The following AKAP3 variants were observed in gnomAD, a reference collection of about 807,000 sequenced individuals.
AKAP3 encodes the protein A-kinase anchoring protein 3.
In AKAP3, 27 loss-of-function variants were observed where a neutral mutation model predicts 57.2. The ratio of observed to expected loss-of-function variants is 0.47; its 90% CI spans 0.35 to 0.65. The LOEUF is 0.65. Ranked by LOEUF, AKAP3 falls within the 30% of genes least tolerant of loss-of-function variation. AKAP3 has a pLI of 0.01. For synonymous variants in AKAP3, 334 were observed against 392.3 expected (o/e 0.85, Z 1.76); for missense variants, 959 against 1,040.0 (o/e 0.92, Z 1.07).
chr12:4,615,685 G>C lies in AKAP3; in HGVS notation c.*54C>G. 6.3e-7 allele frequency: 1 copy of C among 1,577,732 alleles called. No homozygotes were observed. Among genetic ancestry groups the C allele is most frequent in the South Asian group, 1.2e-5 (1 of 85,990 alleles). ...AGATGTGGAAGTGAGAAAGAAGGGC[G>C]GGGATAAGGGCCGGCCCCACTGCCA... On this transcript the variant is annotated 3_prime_UTR_variant, in exon 6 of 6. Coordinates refer to ENST00000228850, the MANE Select transcript of AKAP3 (RefSeq NM_001278309.2).
intron 4 of AKAP3, among the ~76,000 whole-genome samples, chr12:4,632,193 T>A (rs901849932): frequency 1.9e-4 from 28 of 148,702 alleles, no homozygotes; most frequent in African/African-American, 5.7e-4. Flanking sequence ...AAAGTATATA[T>A]GCTTTTGCTT....
In AKAP3 at chr12:4,627,844, T is replaced by G. The variant is rs1197895663; in HGVS notation, c.1058A>C (p.Gln353Pro). The G allele has an allele frequency of 6.2e-7, 1 of 1,614,026 alleles. No individual in the cohort carries two copies. The highest frequency in any genetic ancestry group is 8.5e-7 in the Non-Finnish European group (1 of 1,180,010). Residue 353 changes from glutamine to proline, a missense_variant, in exon 5 of 6, where the codon CAG (glutamine) becomes CCG (proline). By Grantham distance (76) the Gln-to-Pro change is moderately conservative. Transcript: ENST00000228850. Reference protein sequence around the residue: ...SVTGTLMTDTQFVSAVKRTVF... With the variant: ...SVTGTLMTDTPFVSAVKRTVF... ...AGTTCTTTTCACAGCCGAGACAAAC[T>G]GTGTGTCAGTCATGAGGGTCCCTGT... is the stretch of plus-strand genomic sequence containing the variant.
intron 4 of AKAP3, among the ~76,000 whole-genome samples, chr12:4,632,636 G>T (rs1016468323): frequency 6.8e-6 from 1 of 146,748 alleles, no homozygotes; most frequent in Admixed American, 6.7e-5. Context: ...TTGTTTGTTT[G>T]TTTTTGTTTT....
At position 4,641,976 on chromosome 12, in the gene AKAP3, C is replaced by G. The variant is rs1457929481; in HGVS notation, c.-78G>C. 2 of 152,168 alleles carry G rather than the reference C, an allele frequency of 1.3e-5. No individual in the cohort carries two copies. Among genetic ancestry groups the G allele is most frequent in the Non-Finnish European group, 2.9e-5 (2 of 68,024 alleles). 9.4% of individuals were successfully genotyped at this position (152,168 alleles called of 1,614,324 possible). On this transcript the variant is annotated 5_prime_UTR_variant, in exon 3 of 6. Transcript: ENST00000228850. ...GTTGTCTTCACTATCCCTCAGTTTA[C>G]CCCCCTCCTGCCATGTAATATAAGG... is the stretch of plus-strand genomic sequence containing the variant.
rs1945421311 is a variant in AKAP3 at position 4,626,877 on chromosome 12, G to A, written c.2025C>T (p.Asn675=). 3 of 1,613,446 alleles carry A rather than the reference G, an allele frequency of 1.9e-6. No homozygotes were observed. In the South Asian group the frequency reaches 3.3e-5, roughly 18 times the overall value. Residue 675 remains asparagine, a synonymous_variant, in exon 5 of 6, where the codon AAC becomes AAT. Coordinates refer to ENST00000228850, the MANE Select transcript of AKAP3 (RefSeq NM_001278309.2). ...TGATGACACACAGCTTCATCACTGA[G>A]TTCATCAGATGTTCTACCATCTGCC... ...MSGQMVEHLM[N]SVMKLCVIIA... is the part of the protein sequence containing the mutation.
At chr12:4,636,059 A>T (rs1044130327) in intron 4 of AKAP3, 23 of 1,484,728 alleles carry the variant, frequency 1.5e-5, no homozygotes, top group Non-Finnish European at 1.9e-5. Context: ...ACTAGGCTTG[A>T]TTTGCCAACA....
rs768271801 is a variant in AKAP3, at chr12:4,627,531, C to A, written c.1371G>T (p.Gly457=). The A allele has an allele frequency of 2.5e-6, 4 of 1,614,118 alleles. No individual in the cohort carries two copies. The highest frequency in any genetic ancestry group is 3.4e-6 in the Non-Finnish European group (4 of 1,179,996). The change falls in exon 5 of 6, where the codon GGG becomes GGT. Residue 457 remains glycine, a synonymous_variant. Transcript: ENST00000228850. ...KTLGEHIIKE[G]LTLWHKTQQK... is the part of the protein sequence containing the mutation. The stretch of plus-strand genomic sequence containing the variant: ...GCTGAGTTTTATGCCACAAGGTAAG[C>A]CCCTCTTTGATAATGTGCTCACCCA...
At chr12:4,633,080 T>C (rs893852876) in intron 4 of AKAP3, among the ~76,000 whole-genome samples, 2 of 151,208 alleles carry the variant, frequency 1.3e-5, no homozygotes, top group African/African-American at 2.4e-5. Context: ...CTTACTATAG[T>C]GCAGCTGTGG....
At position 4,628,353 on chromosome 12, in the gene AKAP3, G is replaced by C. The variant is rs1169205530; in HGVS notation, c.549C>G (p.Val183=). The C allele has an allele frequency of 6.2e-7, 1 of 1,614,066 alleles. No homozygotes were observed. The highest frequency in any genetic ancestry group is 8.5e-7 in the Non-Finnish European group (1 of 1,180,044). ...KIASELVNET[V]SACSRNAAPD... The stretch of plus-strand genomic sequence containing the variant: ...GGGCAGCATTCCTGGAACATGCAGA[G>C]ACGGTCTCATTCACAAGCTCTGATG... The change falls in exon 5 of 6, where the codon GTC becomes GTG. Residue 183 remains valine, a synonymous_variant. Transcript: ENST00000228850.
intron 5 of AKAP3, among the ~76,000 whole-genome samples, chr12:4,617,521 G>A (rs1354386552): frequency 6.6e-6 from 1 of 152,222 alleles, no homozygotes; most frequent in Non-Finnish European, 1.5e-5. Flanking sequence ...GGGAGGCTGA[G>A]GCAGGAAGAT....
chr12:4,633,559 A>C (rs1054261999), intron 4 of AKAP3, among the ~76,000 whole-genome samples: 1 of 151,632 alleles, frequency 6.6e-6, no homozygotes, highest in African/African-American at 2.4e-5. Flanking sequence ...ATCTCTTCAA[A>C]CCCCCTTGCC....
chr12:4,649,004 A>G lies in AKAP3; in HGVS notation c.-504T>C. ...TTTCCCAGCTTTCTTCTTAACCAAC[A>G]ATCTACCCGAAACCGTCGTTTCTTG... is the stretch of plus-strand genomic sequence containing the variant. On this transcript the variant is annotated 5_prime_UTR_variant, in exon 1 of 6. Coordinates refer to ENST00000228850, the MANE Select transcript of AKAP3 (RefSeq NM_001278309.2). 1.8e-6 allele frequency: 2 copies of G among 1,107,062 alleles called. No individual in the cohort carries two copies. The highest frequency in any genetic ancestry group is 2.6e-5 in the East Asian group (1 of 38,382). The allele number at this position is 1,107,062 out of a possible 1,614,324, so 68.6% of individuals were successfully genotyped here. A position where few individuals can be genotyped will look rare whatever the true frequency, so the allele number is the denominator to read the frequency against.
intron 5 of AKAP3, among the ~76,000 whole-genome samples, chr12:4,624,809 G>GGTTGTGTGTGTGTGTGTGTGTGTGT (rs1555126690): frequency 2.3e-5 from 2 of 87,828 alleles, no homozygotes; most frequent in African/African-American, 9.2e-5. Flanking sequence ...AGTAGACAAA[G>GGTTGTGTGTGTGTGTGTGTGTGTGT]GTGTGTGTGT....
intron 5 of AKAP3, among the ~76,000 whole-genome samples, chr12:4,621,900 A>G (rs1383078497): frequency 6.6e-6 from 1 of 152,208 alleles, no homozygotes; most frequent in East Asian, 1.9e-4. Flanking sequence ...AACAACAACA[A>G]CAACAAAACA....
At chr12:4,642,385 A>C (rs7310971) in intron 2 of AKAP3, among the ~76,000 whole-genome samples, 38,764 of 152,110 alleles carry the variant, frequency 0.25, 5,870 homozygotes, top group South Asian at 0.43. Context: ...ATGGAACTCA[A>C]AACACTTTGC....
chr12:4,648,322 G>C (rs917920772), intron 1 of AKAP3: 1 of 152,214 alleles, frequency 6.6e-6, no homozygotes, highest in African/African-American at 2.4e-5. Context: ...AATATTTCAG[G>C]AAGTTCACAG....
chr12:4,627,115 T>C lies in AKAP3; in HGVS notation c.1787A>G (p.Asn596Ser). 1 of 1,614,144 alleles carries C rather than the reference T, an allele frequency of 6.2e-7. No homozygotes were observed. The highest frequency in any genetic ancestry group is 1.7e-5 in the Admixed American group (1 of 60,010). The part of the protein sequence containing the change: ...EKKDLRSVFF[N>S]FIRNLLSETI... The stretch of plus-strand genomic sequence containing the variant: ...CTCACTAAGTAAGTTCCGGATGAAA[T>C]TAAAGAAAACACTCCTTAGGTCCTT... Residue 596 changes from asparagine (N) to serine (S), a missense_variant, in exon 5 of 6, where the codon AAT becomes AGT. Physicochemically the swap from Asn to Ser is conservative, Grantham distance 46. Coordinates refer to ENST00000228850, the MANE Select transcript of AKAP3 (RefSeq NM_001278309.2).
chr12:4,618,927 G>A (rs1359539847), intron 5 of AKAP3, among the ~76,000 whole-genome samples: 4 of 152,100 alleles, frequency 2.6e-5, no homozygotes, highest in Non-Finnish European at 4.4e-5. Context: ...TCAGATAAAG[G>A]ACTTGTATCC....
At chr12:4,639,711 A>G (rs1429602656) in intron 3 of AKAP3, among the ~76,000 whole-genome samples, 1 of 151,836 alleles carries the variant, frequency 6.6e-6, no homozygotes, top group African/African-American at 2.4e-5. Flanking sequence ...TTTGCTCAGA[A>G]TGATGGTTTC....
Sources: allele counts gnomAD v4.1 joint callset (sites outside exome capture counted in the v4.1 genomes callset), GRCh38; gene constraint gnomAD v4.1.1; transcripts MANE v1.5; gene names NCBI Gene and HGNC (gene_info 2026-07-23, HGNC 2026-07-21).